MYCT1: variants seen among roughly 807,000 people sequenced by gnomAD.
MYCT1 encodes the protein myc target protein 1.
In MYCT1, 12 loss-of-function variants were observed where a neutral mutation model predicts 15.0. The observed-to-expected ratio is 0.80, with a 90% CI of 0.51 to 1.29. MYCT1 has a LOEUF of 1.29. MYCT1 is among the 50% of genes most tolerant of loss of function. The pLI, the probability that MYCT1 is intolerant of heterozygous loss-of-function variation, is 0.00. For synonymous variants in MYCT1, 104 were observed against 102.7 expected, an observed-to-expected ratio of 1.01 and a Z score of -0.07; for missense variants, 287 against 279.1, an observed-to-expected ratio of 1.03 and a Z score of -0.20.
At chr6:152,733,523 G>A in the MYCT1 span, among the ~76,000 whole-genome samples, 1 of 152,134 alleles carries the variant, frequency 6.6e-6, no homozygotes, top group Non-Finnish European at 1.5e-5. Context: ...TGCCTTGGAG[G>A]AAAAAGGGAG....
At chr6:152,738,609 AGCGAATAAT>A in the MYCT1 span, among the ~76,000 whole-genome samples, 1 of 152,078 alleles carries the variant, frequency 6.6e-6, no homozygotes, top group Non-Finnish European at 1.5e-5. Flanking sequence ...CTGAATATGG[AGCGAATAAT>A]GCTTACTTCA....
Position 152,723,100 on chromosome 6 carries a change from C to T in MYCT1, c.*847C>T, listed in dbSNP as rs1394445488. Reference sequence around the variant, plus strand: ...ACATTCTAAAGTTCCTTGATTTGATCATTATAAGAAGTGTGGGACTCAAGC... The same window carrying T: ...ACATTCTAAAGTTCCTTGATTTGATTATTATAAGAAGTGTGGGACTCAAGC... On this transcript the variant is annotated 3_prime_UTR_variant, in exon 2 of 2. Transcript: ENST00000367245. The T allele has an allele frequency of 6.6e-6, 1 of 152,408 alleles. No homozygotes were observed. The highest frequency in any genetic ancestry group is 2.4e-5 in the African/African-American group (1 of 41,404). 9.4% of individuals were successfully genotyped at this position (152,408 alleles called of 1,614,324 possible).
At chr6:152,732,989 C>T in the MYCT1 span, among the ~76,000 whole-genome samples, 1 of 152,262 alleles carries the variant, frequency 6.6e-6, no homozygotes, top group South Asian at 2.1e-4. Flanking sequence ...TCTAGATTCC[C>T]CAGGAATATG....
intron 1 of MYCT1, among the ~76,000 whole-genome samples, chr6:152,702,827 G>C (rs1288525122): frequency 1.3e-5 from 2 of 152,220 alleles, no homozygotes; most frequent in South Asian, 4.1e-4. Context: ...CAGTTACCTA[G>C]AAAGTTTGAA....
At chr6:152,731,977 A>T in the MYCT1 span, among the ~76,000 whole-genome samples, 1 of 152,174 alleles carries the variant, frequency 6.6e-6, no homozygotes, top group Non-Finnish European at 1.5e-5. Context: ...AAATGACTTT[A>T]TAAAACAAAC....
chr6:152,729,430 T>G (rs2099726182), downstream of MYCT1, among the ~76,000 whole-genome samples: 1 of 152,078 alleles, frequency 6.6e-6, no homozygotes, highest in Non-Finnish European at 1.5e-5. Flanking sequence ...AACAAAAACA[T>G]AAACACCTAA....
At chr6:152,719,712 A>G (rs1484537690) in intron 1 of MYCT1, among the ~76,000 whole-genome samples, 1 of 152,238 alleles carries the variant, frequency 6.6e-6, no homozygotes, top group African/African-American at 2.4e-5. Flanking sequence ...TCCTAAAATT[A>G]GACAGCAGTG....
In MYCT1 at chr6:152,722,694, T is replaced by C. The variant is rs1011415696; in HGVS notation, c.*441T>C. On this transcript the variant is annotated 3_prime_UTR_variant, in exon 2 of 2. Coordinates refer to ENST00000367245, the MANE Select transcript of MYCT1 (RefSeq NM_025107.3). Reference sequence around the variant, plus strand: ...TAAGGGATTTGGATTTTACTTTCTTTAGAATGACAAGTGAATCATATTGAC... The same window carrying C: ...TAAGGGATTTGGATTTTACTTTCTTCAGAATGACAAGTGAATCATATTGAC... 4 of 323,422 alleles carry C rather than the reference T, an allele frequency of 1.2e-5. No homozygotes were observed. The highest frequency in any genetic ancestry group is 2.5e-5 in the South Asian group (1 of 39,262). 20.0% of individuals were successfully genotyped at this position (323,422 alleles called of 1,614,324 possible).
At chr6:152,725,319 A>C (rs942841746), downstream of MYCT1, among the ~76,000 whole-genome samples, 1 of 152,224 alleles carries the variant, frequency 6.6e-6, no homozygotes, top group Non-Finnish European at 1.5e-5. Flanking sequence ...ATGGACCAAA[A>C]CAAGCAATTC....
At chr6:152,735,726 C>A in the MYCT1 span, among the ~76,000 whole-genome samples, 2 of 151,956 alleles carry the variant, frequency 1.3e-5, no homozygotes, top group African/African-American at 2.4e-5. Flanking sequence ...AGTATTATAA[C>A]ATTTTGAAAT....
chr6:152,713,004 A>G (rs975471334), intron 1 of MYCT1, among the ~76,000 whole-genome samples: 9 of 151,820 alleles, frequency 5.9e-5, no homozygotes, highest in Non-Finnish European at 5.9e-5. Context: ...AGCTCCATCC[A>G]CCCTTTCCTC....
At chr6:152,714,869 A>G (rs895648254) in intron 1 of MYCT1, among the ~76,000 whole-genome samples, 1 of 151,944 alleles carries the variant, frequency 6.6e-6, no homozygotes, top group African/African-American at 2.4e-5. Context: ...TATGTATAAA[A>G]CTTTCCTTCT....
chr6:152,733,512 G>C, the MYCT1 span, among the ~76,000 whole-genome samples: 1,913 of 152,300 alleles, frequency 0.013, 53 homozygotes, highest in African/African-American at 0.044. Context: ...TTTTTAACAA[G>C]TGCCTTGGAG....
Position 152,722,095 on chromosome 6 carries a change from C to A in MYCT1, c.550C>A (p.Leu184Met), listed in dbSNP as rs149668806. Residue 184 changes from leucine to methionine, a missense_variant, in exon 2 of 2, where the codon CTG (leucine) becomes ATG (methionine). By Grantham distance (15) the Leu-to-Met change is conservative (BLOSUM62 2). Transcript: ENST00000367245. ...ACTTCCTGTGGAAACTGAGAGTCAG[C>A]TGGTGACTCTCCCTTCTTCCAATAT... ...PPLPVETESQ[L>M]VTLPSSNISP... 5.6e-6 allele frequency: 9 copies of A among 1,614,146 alleles called. No homozygotes were observed. In the East Asian group the frequency reaches 2.0e-4, roughly 36 times the overall value.
chr6:152,735,566 T>C, the MYCT1 span, among the ~76,000 whole-genome samples: 281 of 152,258 alleles, frequency 1.8e-3, no homozygotes, highest in Non-Finnish European at 3.2e-3. Flanking sequence ...AATGCCTAAA[T>C]AGAGGTGAAG....
In MYCT1 at chr6:152,702,822, A is replaced by G. The variant is rs538021010; in HGVS notation, c.196+4724A>G. 5.9e-5 allele frequency among the ~76,000 whole-genome samples: 9 copies of G among 152,308 alleles called. No homozygotes were observed. The South Asian group carries it at 1.5e-3, about 25-fold the overall frequency. On this transcript the variant is annotated intron_variant, in intron 1 of 1. Transcript: ENST00000367245. ...ATTCATTAGTTCCCCTATCTCAGTTACCTAGAAAGTTTGAAAAACAAACAT... is the reference window on the plus strand; with the variant it reads ...ATTCATTAGTTCCCCTATCTCAGTTGCCTAGAAAGTTTGAAAAACAAACAT...
rs2099724746 is a variant in MYCT1, at chr6:152,721,779, C to A, written c.234C>A (p.Ile78=). The change falls in exon 2 of 2, where the codon ATC becomes ATA. Residue 78 remains isoleucine (I), a synonymous_variant. Transcript: ENST00000367245. ...LIMSFTVSMA[I]GLVLGGFIWA... ...TGTCCTTCACTGTATCCATGGCAAT[C>A]GGGCTGGTACTTGGAGGATTTATTT... The A allele has an allele frequency of 1.2e-6, 2 of 1,614,036 alleles. No homozygotes were observed. The highest frequency in any genetic ancestry group is 2.2e-5 in the East Asian group (1 of 44,874).
intron 1 of MYCT1, among the ~76,000 whole-genome samples, chr6:152,707,157 C>T (rs1427957505): frequency 2.0e-5 from 3 of 152,082 alleles, no homozygotes; most frequent in African/African-American, 7.2e-5. Context: ...CACATCCTCA[C>T]CAGCACTCAT....
chr6:152,714,853 C>T lies in MYCT1; in HGVS notation c.197-6889C>T, dbSNP rs544364102. 4.4e-4 allele frequency among the ~76,000 whole-genome samples: 66 copies of T among 151,642 alleles called. 1 individual carries two copies. In the South Asian group the frequency reaches 0.014, roughly 31 times the overall value. ...TATTTAAGTATATAACTTTCTATTT[C>T]ATATATATGTATAAAACTTTCCTTC... On this transcript the variant is annotated intron_variant, in intron 1 of 1. Transcript: ENST00000367245.
Sources: allele counts gnomAD v4.1 joint callset (sites outside exome capture counted in the v4.1 genomes callset), GRCh38; gene constraint gnomAD v4.1.1; transcripts MANE v1.5; gene names NCBI Gene and HGNC (gene_info 2026-07-23, HGNC 2026-07-21).